Variants in GRIN2B observed in about 807,000 individuals in gnomAD.
The protein encoded by GRIN2B is glutamate receptor ionotropic, NMDA 2B.
In GRIN2B, 5 loss-of-function variants were observed where a neutral mutation model predicts 114.5. That is an observed-to-expected ratio of 0.04 (90% CI 0.02 to 0.09). GRIN2B has a LOEUF of 0.09. Among genes scored for constraint, GRIN2B ranks in the 10% least tolerant of loss-of-function variants. The pLI, the probability that GRIN2B is intolerant of heterozygous loss-of-function variation, is 1.00. For missense variants in GRIN2B, 1,108 were observed against 1,943.5 expected (o/e 0.57, Z 8.08); for synonymous variants, 787 against 745.1 (o/e 1.06, Z -0.92).
At chr12:13,885,781 A>G (rs1300932345) in intron 2 of GRIN2B, among the ~76,000 whole-genome samples, 1 of 152,258 alleles carries the variant, frequency 6.6e-6, no homozygotes, top group Non-Finnish European at 1.5e-5. Flanking sequence ...CATTAGACAA[A>G]GTATTCATGC....
At chr12:13,681,935 T>G (rs1219941262) in intron 4 of GRIN2B, among the ~76,000 whole-genome samples, 3 of 152,166 alleles carry the variant, frequency 2.0e-5, no homozygotes, top group African/African-American at 7.2e-5. Flanking sequence ...TTAGAAATTA[T>G]GATTATTTAT....
intron 3 of GRIN2B, among the ~76,000 whole-genome samples, chr12:13,787,284 G>A (rs555682811): frequency 1.5e-4 from 23 of 152,220 alleles, no homozygotes; most frequent in Admixed American, 1.3e-3. Flanking sequence ...ATTGCTTATC[G>A]GACACGTATC....
At chr12:13,819,962 A>G (rs1488050846) in intron 3 of GRIN2B, among the ~76,000 whole-genome samples, 1 of 152,146 alleles carries the variant, frequency 6.6e-6, no homozygotes, top group African/African-American at 2.4e-5. Context: ...CATTTTCCTC[A>G]TAGGATTCTC....
chr12:13,827,509 T>C (rs1288115508), intron 3 of GRIN2B, among the ~76,000 whole-genome samples: 2 of 152,054 alleles, frequency 1.3e-5, no homozygotes, highest in African/African-American at 4.8e-5. Flanking sequence ...ATACTCTAGA[T>C]CCTTCATATT....
In GRIN2B at chr12:13,715,639, A is replaced by G. The variant is rs73051565; in HGVS notation, c.1010+37678T>C. Among the ~76,000 whole-genome samples the G allele has an allele frequency of 5.0e-3, 757 of 152,064 alleles. 3 individuals carry two copies. The highest frequency in any genetic ancestry group is 8.2e-3 in the Non-Finnish European group (558 of 67,900). On this transcript the variant is annotated intron_variant, in intron 4 of 13. Transcript: ENST00000609686. ...TTTTTAGAATAGTTACTGATTGTGC[A>G]GGTAAAAATCACATCGTAAGAAATC...
At chr12:13,746,728 A>G (rs1863391403) in intron 4 of GRIN2B, among the ~76,000 whole-genome samples, 1 of 152,162 alleles carries the variant, frequency 6.6e-6, no homozygotes, top group Admixed American at 6.5e-5. Context: ...ACAGACATGG[A>G]TCTCTCATGA....
At chr12:13,655,650 C>T (rs1188620886) in intron 5 of GRIN2B, among the ~76,000 whole-genome samples, 1 of 152,102 alleles carries the variant, frequency 6.6e-6, no homozygotes, top group Non-Finnish European at 1.5e-5. Flanking sequence ...GTCACTAAAC[C>T]TCTCTGGGCC....
chr12:13,960,767 C>T (rs141242547), intron 2 of GRIN2B, among the ~76,000 whole-genome samples: 3 of 152,152 alleles, frequency 2.0e-5, no homozygotes, highest in East Asian at 3.9e-4. Flanking sequence ...CAGCAAAGTC[C>T]GTAATGAAGA....
At chr12:13,768,177 C>T (rs1863835475) in intron 3 of GRIN2B, among the ~76,000 whole-genome samples, 1 of 152,186 alleles carries the variant, frequency 6.6e-6, no homozygotes. Context: ...CCCAATTTTC[C>T]TTTTAGACTA....
chr12:13,659,121 A>T (rs139947340), intron 5 of GRIN2B, among the ~76,000 whole-genome samples: 18 of 152,292 alleles, frequency 1.2e-4, no homozygotes, highest in African/African-American at 4.1e-4. Context: ...TCTTCACACC[A>T]GAACCACAAA....
intron 3 of GRIN2B, among the ~76,000 whole-genome samples, chr12:13,757,494 G>A (rs918696866): frequency 3.3e-5 from 5 of 152,182 alleles, no homozygotes; most frequent in Admixed American, 2.0e-4. Flanking sequence ...GCAAGTTATC[G>A]AGGATGAAGG....
intron 3 of GRIN2B, among the ~76,000 whole-genome samples, chr12:13,776,866 A>G (rs1036925530): frequency 8.5e-5 from 13 of 152,212 alleles, no homozygotes; most frequent in Admixed American, 8.5e-4. Context: ...TAAAATTAAT[A>G]CATTTATTAT....
chr12:13,893,825 T>TA (rs1866308800), intron 2 of GRIN2B, among the ~76,000 whole-genome samples: 1 of 148,408 alleles, frequency 6.7e-6, no homozygotes, highest in Middle Eastern at 3.4e-3. Context: ...GTGACTTTTT[T>TA]TAAAAAAAAG....
intron 3 of GRIN2B, among the ~76,000 whole-genome samples, chr12:13,827,841 CCGG>C (rs904564226): frequency 2.6e-5 from 4 of 152,276 alleles, no homozygotes; most frequent in African/African-American, 9.6e-5. Context: ...GCCACCACTC[CCGG>C]CTAATTTTTG....
At chr12:13,883,613 T>TTCA (rs1866101781) in intron 2 of GRIN2B, among the ~76,000 whole-genome samples, 1 of 152,162 alleles carries the variant, frequency 6.6e-6, no homozygotes, top group Admixed American at 6.5e-5. Context: ...GTAGTGCTTG[T>TTCA]TCACATCTTC....
chr12:13,722,985 T>G (rs992987152), intron 4 of GRIN2B, among the ~76,000 whole-genome samples: 2 of 152,100 alleles, frequency 1.3e-5, no homozygotes, highest in Non-Finnish European at 2.9e-5. Flanking sequence ...CTGTAGCTAC[T>G]GTCCAGCTAT....
chr12:13,711,054 A>C (rs951399470), intron 4 of GRIN2B, among the ~76,000 whole-genome samples: 1 of 152,292 alleles, frequency 6.6e-6, no homozygotes, highest in East Asian at 1.9e-4. Context: ...AACAGAACAG[A>C]GCCCTCAGAA....
At chr12:13,825,066 T>C (rs1368018307) in intron 3 of GRIN2B, among the ~76,000 whole-genome samples, 1 of 152,090 alleles carries the variant, frequency 6.6e-6, no homozygotes, top group Non-Finnish European at 1.5e-5. Context: ...TTTAATTTTA[T>C]AAATGTCCCT....
chr12:13,714,419 T>G (rs1950438963), intron 4 of GRIN2B, among the ~76,000 whole-genome samples: 1 of 151,900 alleles, frequency 6.6e-6, no homozygotes, highest in Admixed American at 6.6e-5. Flanking sequence ...GAGAAATAGT[T>G]TCCCTAGGGA....
Sources: allele counts gnomAD v4.1 joint callset (sites outside exome capture counted in the v4.1 genomes callset), GRCh38; gene constraint gnomAD v4.1.1; transcripts MANE v1.5; gene names NCBI Gene and HGNC (gene_info 2026-07-23, HGNC 2026-07-21).